The following FAT4 variants were observed in gnomAD, a reference collection of about 807,000 sequenced individuals.
FAT4 encodes protocadherin Fat 4.
In FAT4, 84 loss-of-function variants were observed where a neutral mutation model predicts 303.9. The ratio of observed to expected loss-of-function variants is 0.28; its 90% CI spans 0.23 to 0.33. The LOEUF (loss-of-function observed/expected upper bound fraction) is 0.33. FAT4 is among the 10% of genes least tolerant of loss of function. FAT4 has a pLI of 1.00. For missense variants in FAT4, 6,005 were observed against 6,146.8 expected (o/e 0.98, Z 0.77); for synonymous variants, 2,307 against 2,298.8 (o/e 1.00, Z -0.10).
chr4:125,491,916 C>A lies in FAT4; in HGVS notation c.*148C>A. The A allele has an allele frequency of 1.4e-6, 1 of 725,594 alleles. No homozygotes were observed. The highest frequency in any genetic ancestry group is 2.2e-6 in the Non-Finnish European group (1 of 452,586). The allele number at this position is 725,594 out of a possible 1,614,324, so 44.9% of individuals were successfully genotyped here. Reference sequence around the variant, plus strand: ...AACTTTAAAAATAATAACCACAATGCTGCTGAAACAGACTCACAACAACTC... The same window carrying A: ...AACTTTAAAAATAATAACCACAATGATGCTGAAACAGACTCACAACAACTC... On this transcript the variant is annotated 3_prime_UTR_variant, in exon 18 of 18. Transcript: ENST00000394329.
At chr4:125,468,846 G>A in intron 12 of FAT4, 27 bp downstream of exon 12, 3 of 1,587,886 alleles carry the variant, frequency 1.9e-6, no homozygotes, top group Non-Finnish European at 2.6e-6. Context: ...TATTGTTGTT[G>A]TATATCCAAC....
In FAT4 at chr4:125,476,177, T is replaced by A. The variant is rs142210211; in HGVS notation, c.12220T>A (p.Ser4074Thr). 8.8e-6 allele frequency: 14 copies of A among 1,592,956 alleles called. 1 individual carries two copies. In the East Asian group the frequency reaches 2.9e-4, roughly 33 times the overall value. Reference sequence around the variant, plus strand: ...TCTTTCTCTTGCTTCGTAGGCAGCCTCCTTAACTGTGGACTCCTGTTCTGA... The same window carrying A: ...TCTTTCTCTTGCTTCGTAGGCAGCCACCTTAACTGTGGACTCCTGTTCTGA... ...VIARRAGMAA[S>T]LTVDSCSENQ... Residue 4074 changes from serine (S) to threonine (T), a missense_variant, in exon 13 of 18, where the codon TCC (serine) becomes ACC (threonine). Coordinates refer to ENST00000394329, the MANE Select transcript of FAT4 (RefSeq NM_001291303.3).
chr4:125,484,096 C>G (rs1367479706), intron 16 of FAT4, among the ~76,000 whole-genome samples: 3 of 144,908 alleles, frequency 2.1e-5, no homozygotes, highest in African/African-American at 7.6e-5. Context: ...CACACACACA[C>G]GCAGACAGAA....
intron 8 of FAT4, 168 bp from the exon 9 acceptor site, chr4:125,446,125 A>T: frequency 1.7e-6 from 1 of 573,730 alleles, no homozygotes; most frequent in Non-Finnish European, 3.0e-6. Flanking sequence ...TGTTCACAGA[A>T]AATTTGAAAT....
At chr4:125,431,699 G>A (rs1725288621) in intron 7 of FAT4, among the ~76,000 whole-genome samples, 1 of 152,032 alleles carries the variant, frequency 6.6e-6, no homozygotes, top group African/African-American at 2.4e-5. Context: ...TTAGTGAGTA[G>A]AGTGAAATAT....
At chr4:125,350,589 A>T (rs944545034) in intron 2 of FAT4, among the ~76,000 whole-genome samples, 6 of 151,658 alleles carry the variant, frequency 4.0e-5, no homozygotes, top group African/African-American at 1.5e-4. Context: ...TTGTTTACTG[A>T]GTTTCTCATT....
chr4:125,459,152 A>C (rs1029264582), intron 10 of FAT4, among the ~76,000 whole-genome samples: 2 of 151,996 alleles, frequency 1.3e-5, no homozygotes, highest in African/African-American at 2.4e-5. Context: ...TCTAATATGT[A>C]TATATAATCT....
intron 7 of FAT4, among the ~76,000 whole-genome samples, chr4:125,429,995 A>C (rs1725227499): frequency 6.6e-6 from 1 of 152,160 alleles, no homozygotes; most frequent in South Asian, 2.1e-4. Flanking sequence ...GTTACATCAC[A>C]CACCGGGTTC....
rs188578183 is a variant in FAT4, at chr4:125,424,664, T to C, written c.7018+8042T>C. ...ACTCTACTCCAGATATTCTTCTAGG[T>C]GCTGAAGATAGGCTGGTGAAGAGGT... On this transcript the variant is annotated intron_variant, in intron 7 of 17. Coordinates refer to ENST00000394329, the MANE Select transcript of FAT4 (RefSeq NM_001291303.3). Among the ~76,000 whole-genome samples, 364 of 152,342 alleles carry C rather than the reference T, an allele frequency of 2.4e-3. 4 individuals carry two copies. The highest frequency in any genetic ancestry group is 8.0e-3 in the Admixed American group (123 of 15,298).
At chr4:125,347,206 A>C (rs1225694284) in intron 2 of FAT4, among the ~76,000 whole-genome samples, 4 of 150,534 alleles carry the variant, frequency 2.7e-5, no homozygotes, top group African/African-American at 4.9e-5. Flanking sequence ...ATTATATATT[A>C]TCATAATATA....
Position 125,449,127 on chromosome 4 carries a change from A to G in FAT4, c.8117A>G (p.Asp2706Gly). The change falls in exon 10 of 18, where the codon GAT (aspartate) becomes GGT (glycine). Residue 2706 changes from aspartate to glycine, a missense_variant. Physicochemically the swap from Asp to Gly is moderately conservative, Grantham distance 94. Coordinates refer to ENST00000394329, the MANE Select transcript of FAT4 (RefSeq NM_001291303.3). ...GACAGTGGACCCAATGGACAGTTAG[A>G]TTATGAAATTGTTAATGGCAACATG... ...DKDSGPNGQL[D>G]YEIVNGNMEN... is the part of the protein sequence containing the mutation. 1 of 1,613,990 alleles carries G rather than the reference A, an allele frequency of 6.2e-7. No individual in the cohort carries two copies. Among genetic ancestry groups the G allele is most frequent in the African/African-American group, 1.3e-5 (1 of 75,036 alleles).
At chr4:125,336,495 A>C (rs2125963358) in intron 2 of FAT4, among the ~76,000 whole-genome samples, 1 of 152,160 alleles carries the variant, frequency 6.6e-6, no homozygotes, top group African/African-American at 2.4e-5. Flanking sequence ...AGATAGGGTA[A>C]GTGAATTGTT....
intron 2 of FAT4, among the ~76,000 whole-genome samples, chr4:125,354,312 T>A (rs762401648): frequency 4.0e-5 from 6 of 151,778 alleles, no homozygotes; most frequent in Non-Finnish European, 8.8e-5. Context: ...ACTCAACATG[T>A]ACTTTATTTG....
In FAT4 at chr4:125,413,989, T is replaced by C. The variant is rs565993479; in HGVS notation, c.5921-895T>C. Among the ~76,000 whole-genome samples the C allele has an allele frequency of 2.0e-5, 3 of 152,178 alleles. No individual in the cohort carries two copies. In the South Asian group the frequency reaches 6.2e-4, roughly 32 times the overall value. On this transcript the variant is annotated intron_variant, in intron 5 of 17. Coordinates refer to ENST00000394329, the MANE Select transcript of FAT4 (RefSeq NM_001291303.3). ...ACAGTACGTTTTTATCATAATATCC[T>C]GTAATTTTTCCAATGTCATTAGGAT...
chr4:125,316,822 C>A lies in FAT4; in HGVS notation c.411C>A (p.Asp137Glu), dbSNP rs769000345. ...DLNDNAPVFPDPSIVVTFKED... is the reference protein window; with the variant it reads ...DLNDNAPVFPEPSIVVTFKED... ...ATGACAACGCCCCCGTTTTCCCGGA[C>A]CCCTCTATCGTGGTCACTTTCAAGG... The change falls in exon 2 of 18, where the codon GAC becomes GAA. Residue 137 changes from aspartate (D) to glutamate (E), a missense_variant. Coordinates refer to ENST00000394329, the MANE Select transcript of FAT4 (RefSeq NM_001291303.3). The surrounding 1 kb of genome is among the most constrained non-coding windows in gnomAD (Gnocchi z 5.7). 6.2e-7 allele frequency: 1 copy of A among 1,614,018 alleles called. No homozygotes were observed. Among genetic ancestry groups the A allele is most frequent in the Non-Finnish European group, 8.5e-7 (1 of 1,179,980 alleles).
intron 2 of FAT4, among the ~76,000 whole-genome samples, chr4:125,327,031 A>C (rs1437433886): frequency 6.6e-6 from 1 of 152,200 alleles, no homozygotes; most frequent in African/African-American, 2.4e-5. Flanking sequence ...TCTCAAAAAA[A>C]AATTCATAAG....
Position 125,319,719 on chromosome 4 carries a change from C to G in FAT4, c.3308C>G (p.Thr1103Ser). 6.2e-7 allele frequency: 1 copy of G among 1,613,930 alleles called. No individual in the cohort carries two copies. Among genetic ancestry groups the G allele is most frequent in the Non-Finnish European group, 8.5e-7 (1 of 1,179,848 alleles). Residue 1103 changes from threonine to serine, a missense_variant, in exon 2 of 18, where the codon ACC becomes AGC. Coordinates refer to ENST00000394329, the MANE Select transcript of FAT4 (RefSeq NM_001291303.3). ...GATAACAGACCTCTTTTTAACAGTA[C>G]CAATTACACATTTTACTTCGAAGAA... The part of the protein sequence containing the change: ...VNDNRPLFNS[T>S]NYTFYFEEEQ...
Position 125,454,812 on chromosome 4 carries a change from C to T in FAT4, c.11800+2002C>T, listed in dbSNP as rs1006894783. Among the ~76,000 whole-genome samples, 6 of 152,140 alleles carry T rather than the reference C, an allele frequency of 3.9e-5. No individual in the cohort carries two copies. The South Asian group carries it at 1.0e-3, about 26-fold the overall frequency. ...CGCGCCATTGCACTCCAGCCCAGGC[C>T]GACAACAGTAAGACTCCATTTCAAA... is the stretch of plus-strand genomic sequence containing the variant. On this transcript the variant is annotated intron_variant, in intron 10 of 17. Coordinates refer to ENST00000394329, the MANE Select transcript of FAT4 (RefSeq NM_001291303.3).
At chr4:125,406,098 G>C (rs78361642) in intron 3 of FAT4, among the ~76,000 whole-genome samples, 2,063 of 152,128 alleles carry the variant, frequency 0.014, 56 homozygotes, top group African/African-American at 0.047. Context: ...AATTGCCCAG[G>C]CTGTCTTTTA....
Sources: allele counts gnomAD v4.1 joint callset (sites outside exome capture counted in the v4.1 genomes callset), GRCh38; gene constraint gnomAD v4.1.1; non-coding constraint Gnocchi (gnomAD v3.1); transcripts MANE v1.5; gene names NCBI Gene and HGNC (gene_info 2026-07-23, HGNC 2026-07-21).